The following TADA2A variants were observed in gnomAD, a reference collection of about 807,000 sequenced individuals.
TADA2A encodes the protein transcriptional adaptor 2A, also known as transcriptional adapter 2-alpha.
A neutral mutation model predicts 67.4 loss-of-function variants in TADA2A; 38 were observed. The ratio of observed to expected loss-of-function variants is 0.56; its 90% CI spans 0.44 to 0.74. The LOEUF is 0.74. Ranked by LOEUF, TADA2A falls within the 30% of genes least tolerant of loss-of-function variation. The probability of loss-of-function intolerance (pLI) is 0.00; values close to 1 mark genes in which losing one functional copy is unlikely to be tolerated. For missense variants in TADA2A, 454 were observed against 547.0 expected, an observed-to-expected ratio of 0.83 and a Z score of 1.70; for synonymous variants, 192 against 181.6, an observed-to-expected ratio of 1.06 and a Z score of -0.46.
chr17:37,422,701 C>T (rs2052282851), intron 2 of TADA2A, among the ~76,000 whole-genome samples: 1 of 151,648 alleles, frequency 6.6e-6, no homozygotes, highest in Non-Finnish European at 1.5e-5. Flanking sequence ...AGGGTTTCGC[C>T]AGGTTGGCAA....
chr17:37,446,518 C>T (rs891971151), intron 8 of TADA2A, among the ~76,000 whole-genome samples: 5 of 151,646 alleles, frequency 3.3e-5, no homozygotes, highest in Admixed American at 2.0e-4. Context: ...AATCCTAGCA[C>T]TTTGGGAGGC....
intron 7 of TADA2A, among the ~76,000 whole-genome samples, chr17:37,444,223 C>T (rs989720615): frequency 4.0e-5 from 6 of 148,258 alleles, no homozygotes; most frequent in African/African-American, 1.3e-4. Flanking sequence ...CACACCACTG[C>T]ACTCCAGCCT....
intron 12 of TADA2A, among the ~76,000 whole-genome samples, chr17:37,470,091 T>C (rs187297407): frequency 6.6e-6 from 1 of 152,082 alleles, no homozygotes; most frequent in African/African-American, 2.4e-5. Context: ...ATAGTAAAAG[T>C]TGGTTACTTT....
chr17:37,461,247 G>A (rs2053540481), intron 9 of TADA2A, among the ~76,000 whole-genome samples: 1 of 152,034 alleles, frequency 6.6e-6, no homozygotes, highest in Non-Finnish European at 1.5e-5. Flanking sequence ...TAATGCTGCC[G>A]CTCCTCTGAC....
At chr17:37,418,054 G>A (rs891694893) in intron 2 of TADA2A, among the ~76,000 whole-genome samples, 1 of 152,088 alleles carries the variant, frequency 6.6e-6, no homozygotes, top group Non-Finnish European at 1.5e-5. Flanking sequence ...TGATTCAAGC[G>A]TGTCATGTTG....
chr17:37,412,072 A>G (rs186193643), intron 2 of TADA2A, among the ~76,000 whole-genome samples: 19 of 151,882 alleles, frequency 1.3e-4, no homozygotes, highest in Admixed American at 1.0e-3. Context: ...TTAGCCAGGC[A>G]TGGTGGCAGG....
chr17:37,423,743 T>A, intron 3 of TADA2A, 128 bp downstream of exon 3: 6 of 644,954 alleles, frequency 9.3e-6, no homozygotes, highest in Non-Finnish European at 1.2e-5. Context: ...CCAATTTTTC[T>A]TTTTCTTTCT....
chr17:37,456,537 C>T (rs1214551228), intron 8 of TADA2A, among the ~76,000 whole-genome samples: 2 of 152,152 alleles, frequency 1.3e-5, no homozygotes, highest in African/African-American at 4.8e-5. Context: ...GTGGCTAAGA[C>T]TCATCGACTA....
chr17:37,457,003 A>G (rs4795200), intron 8 of TADA2A, among the ~76,000 whole-genome samples: 110,082 of 151,834 alleles, frequency 0.73, 40,545 homozygotes, highest in East Asian at 0.97. Context: ...ACTGGTTAGG[A>G]TACTTGATGG....
At chr17:37,462,506 C>T (rs1051528241) in intron 10 of TADA2A, among the ~76,000 whole-genome samples, 2 of 152,078 alleles carry the variant, frequency 1.3e-5, no homozygotes, top group African/African-American at 4.8e-5. Context: ...GCGGCATGCA[C>T]CTGCAATCCC....
Position 37,465,676 on chromosome 17 carries a change from T to A in TADA2A, c.823+135T>A, listed in dbSNP as rs535081457. On this transcript the variant is annotated intron_variant, in intron 11 of 15. Coordinates refer to ENST00000615182, the MANE Select transcript of TADA2A (RefSeq NM_001166105.3). ...CTCTCTTTGTTCCCCTTTATTACCA[T>A]GAGACAAATTTGGGACTATGGGGGT... 11 of 1,493,636 alleles carry A rather than the reference T, an allele frequency of 7.4e-6. No homozygotes were observed. In the Admixed American group the frequency reaches 2.1e-4, roughly 29 times the overall value. The allele number at this position is 1,493,636 out of a possible 1,614,324, so 92.5% of individuals were successfully genotyped here.
chr17:37,451,728 A>G (rs1266079654), intron 8 of TADA2A, among the ~76,000 whole-genome samples: 2 of 152,156 alleles, frequency 1.3e-5, no homozygotes, highest in African/African-American at 4.8e-5. Flanking sequence ...TCATGCCTGT[A>G]ATCCCAGCAC....
intron 8 of TADA2A, among the ~76,000 whole-genome samples, chr17:37,452,326 C>T (rs905507624): frequency 1.3e-5 from 2 of 152,054 alleles, no homozygotes; most frequent in African/African-American, 4.8e-5. Flanking sequence ...TGGCTTGAAC[C>T]TGGGAGGTGG....
chr17:37,411,510 C>T (rs2051868266), intron 2 of TADA2A, 120 bp downstream of exon 2: 2 of 955,164 alleles, frequency 2.1e-6, no homozygotes, highest in Admixed American at 1.9e-5. Context: ...GCAACTTCTG[C>T]CTCCCGGCTT....
intron 11 of TADA2A, among the ~76,000 whole-genome samples, chr17:37,467,030 G>T (rs1247869396): frequency 6.6e-6 from 1 of 152,078 alleles, no homozygotes; most frequent in Non-Finnish European, 1.5e-5. Flanking sequence ...GGTGGTAGAT[G>T]CCTGTAATCC....
In TADA2A at chr17:37,444,707, T is replaced by C; in HGVS notation, c.543T>C (p.Asn181=). 3 of 1,613,954 alleles carry C rather than the reference T, an allele frequency of 1.9e-6. No homozygotes were observed. The highest frequency in any genetic ancestry group is 2.5e-6 in the Non-Finnish European group (3 of 1,179,956). ...GTTCCCCTAAACAGGAATTTGACAA[T>C]TATGCAGAATGGGACTTGAGAGACA... The part of the protein sequence containing the change: ...ARADFIEEFD[N]YAEWDLRDID... The change falls in exon 8 of 16, where the codon AAT becomes AAC. Residue 181 remains asparagine (N), a synonymous_variant. Coordinates refer to ENST00000615182, the MANE Select transcript of TADA2A (RefSeq NM_001166105.3).
At chr17:37,414,377 A>T (rs1486433861) in intron 2 of TADA2A, among the ~76,000 whole-genome samples, 6 of 150,902 alleles carry the variant, frequency 4.0e-5, no homozygotes, top group Non-Finnish European at 5.9e-5. Context: ...TCTTTTTAGC[A>T]TCTCCGTCCT....
chr17:37,458,417 A>T, intron 8 of TADA2A, 107 bp from the exon 9 acceptor site: 1 of 628,742 alleles, frequency 1.6e-6, no homozygotes, highest in Non-Finnish European at 2.3e-6. Context: ...AATTAGCAAT[A>T]TGAGGTTCAA....
intron 4 of TADA2A, among the ~76,000 whole-genome samples, chr17:37,428,754 T>C (rs564692188): frequency 6.6e-6 from 1 of 151,976 alleles, no homozygotes; most frequent in Non-Finnish European, 1.5e-5. Context: ...AATTTAAAAA[T>C]TTTTTTTGTA....
Sources: gnomAD v4.1 joint callset for allele counts (sites outside exome capture counted in the v4.1 genomes callset) on GRCh38, gnomAD v4.1.1 for gene constraint, MANE v1.5 for transcripts, NCBI Gene and HGNC (gene_info 2026-07-23, HGNC 2026-07-21) for gene names.